The following NANS variants were observed in gnomAD, a reference collection of about 807,000 sequenced individuals.
NANS encodes the protein N-acetylneuraminate synthase, also known as N-acetylneuraminate-9-phosphate synthase.
In NANS, 29 loss-of-function variants were observed where a neutral mutation model predicts 33.3. That is an observed-to-expected ratio of 0.87 (90% CI 0.65 to 1.19). The LOEUF (loss-of-function observed/expected upper bound fraction) is 1.19, where lower values mean the gene tolerates loss of function less well. NANS is among the 50% of genes most tolerant of loss of function. The pLI is 0.00. For missense variants in NANS, 394 were observed against 461.1 expected, an observed-to-expected ratio of 0.85 and a Z score of 1.33; for synonymous variants, 163 against 177.2, an observed-to-expected ratio of 0.92 and a Z score of 0.64.
chr9:98,068,781 A>C (rs1372794316), intron 2 of NANS, among the ~76,000 whole-genome samples: 1 of 151,744 alleles, frequency 6.6e-6, no homozygotes, highest in African/African-American at 2.4e-5. Flanking sequence ...TGATTGCACC[A>C]GTGAACTCCA....
At chr9:98,060,754 C>G (rs374033355) in intron 1 of NANS, 28 bp from the exon 2 acceptor site, 11 of 1,608,014 alleles carry the variant, frequency 6.8e-6, no homozygotes, top group African/African-American at 1.3e-5. Context: ...ACGACAGTCA[C>G]TGAAAGATGT....
chr9:98,073,271 C>CCTTT, intron 2 of NANS, among the ~76,000 whole-genome samples: 2 of 57,826 alleles, frequency 3.5e-5, no homozygotes, highest in Non-Finnish European at 5.9e-5. Context: ...TCACCATGGG[C>CCTTT]TTTTTTTTTT....
chr9:98,077,417 C>A (rs1425387332), intron 3 of NANS, among the ~76,000 whole-genome samples: 4 of 151,164 alleles, frequency 2.6e-5, no homozygotes, highest in Admixed American at 6.6e-5. Flanking sequence ...TCTATGTTGC[C>A]CAGGTTGGTC....
At chr9:98,057,922 G>GTTTTTTTTTTTT (rs35104052) in intron 1 of NANS, among the ~76,000 whole-genome samples, 1 of 78,086 alleles carries the variant, frequency 1.3e-5, no homozygotes, top group Non-Finnish European at 2.3e-5. Context: ...TTTTTTCCTG[G>GTTTTTTTTTTTT]TTTTTTTTTT....
At chr9:98,057,607 CAGAT>C (rs1226989934) in intron 1 of NANS, among the ~76,000 whole-genome samples, 1 of 151,840 alleles carries the variant, frequency 6.6e-6, no homozygotes, top group African/African-American at 2.4e-5. Flanking sequence ...ATGAGATTCT[CAGAT>C]AGAGCTCTGA....
rs564739074 is a variant in NANS, at chr9:98,067,413, T to A, written c.348+6416T>A. On this transcript the variant is annotated intron_variant, in intron 2 of 5. Transcript: ENST00000210444. ...TGCTTCACATCCTCATCATTTGTGA[T>A]TACCTCCTGATTCTAGCCATCCTAG... Among the ~76,000 whole-genome samples the A allele has an allele frequency of 3.3e-5, 5 of 152,334 alleles. No homozygotes were observed. The East Asian group carries it at 9.7e-4, about 29-fold the overall frequency.
At chr9:98,070,560 A>G (rs1829295148) in intron 2 of NANS, among the ~76,000 whole-genome samples, 1 of 151,884 alleles carries the variant, frequency 6.6e-6, no homozygotes, top group Non-Finnish European at 1.5e-5. Context: ...AGCTAGGATT[A>G]TAGGTACCCG....
intron 2 of NANS, chr9:98,074,588 G>C (rs549385031): frequency 2.0e-4 from 31 of 152,314 alleles, no homozygotes; most frequent in African/African-American, 7.2e-4. Context: ...CTCCCCAGGA[G>C]GCGGCAAAAT....
chr9:98,072,569 C>T (rs1338456009), intron 2 of NANS, among the ~76,000 whole-genome samples: 1 of 152,090 alleles, frequency 6.6e-6, no homozygotes, highest in Non-Finnish European at 1.5e-5. Flanking sequence ...CGCTACCATG[C>T]CCAGCTAATT....
chr9:98,063,409 A>T (rs987142683), intron 2 of NANS, among the ~76,000 whole-genome samples: 1 of 148,388 alleles, frequency 6.7e-6, no homozygotes, highest in African/African-American at 2.5e-5. Context: ...GCCCAGCTAA[A>T]TTTTGTATTT....
In NANS at chr9:98,078,200, A is replaced by G; in HGVS notation, c.456A>G (p.Pro152=). ...TGGTGCTGGATTACTCAGGTCGCCC[A>G]ATGGTGATCTCCAGTGGGATGCAGT... The part of the protein sequence containing the change: ...YLEKTAKKGR[P]MVISSGMQSM... The change falls in exon 4 of 6, where the codon CCA becomes CCG. Residue 152 remains proline (P), a synonymous_variant. Coordinates refer to ENST00000210444, the MANE Select transcript of NANS (RefSeq NM_018946.4). 2 of 1,614,228 alleles carry G rather than the reference A, an allele frequency of 1.2e-6. No individual in the cohort carries two copies. The highest frequency in any genetic ancestry group is 1.7e-6 in the Non-Finnish European group (2 of 1,180,036).
At chr9:98,076,837 C>T (rs1458925263) in intron 2 of NANS, 81 bp from the exon 3 acceptor site, 5 of 1,164,136 alleles carry the variant, frequency 4.3e-6, no homozygotes, top group South Asian at 1.4e-5. Context: ...GGTTTTTCTA[C>T]TTGTATGTTA....
chr9:98,075,030 G>C (rs796881608), intron 2 of NANS: 13 of 152,290 alleles, frequency 8.5e-5, no homozygotes, highest in African/African-American at 3.1e-4. Flanking sequence ...AAGGTACTGG[G>C]CATGGCAGCT....
intron 2 of NANS, among the ~76,000 whole-genome samples, chr9:98,063,685 G>C (rs1829052325): frequency 6.6e-6 from 1 of 151,888 alleles, no homozygotes; most frequent in Non-Finnish European, 1.5e-5. Context: ...GGGACTACAG[G>C]CATGTGCCAA....
intron 2 of NANS, among the ~76,000 whole-genome samples, chr9:98,070,964 A>G (rs1289295971): frequency 2.0e-5 from 3 of 151,568 alleles, no homozygotes; most frequent in Non-Finnish European, 4.4e-5. Flanking sequence ...GGTCCATGCC[A>G]CCACAACCAG....
chr9:98,061,064 C>A, intron 2 of NANS, 67 bp downstream of exon 2: 2 of 1,529,276 alleles, frequency 1.3e-6, no homozygotes, highest in Non-Finnish European at 9.0e-7. Flanking sequence ...AGCCTGGTGA[C>A]TTCCGGCTTA....
intron 1 of NANS, among the ~76,000 whole-genome samples, chr9:98,057,279 T>A (rs983572830): frequency 6.6e-6 from 1 of 152,160 alleles, no homozygotes; most frequent in African/African-American, 2.4e-5. Flanking sequence ...TCGAAACCCT[T>A]TAACATAGCC....
chr9:98,065,282 T>C (rs1219820288), intron 2 of NANS, among the ~76,000 whole-genome samples: 1 of 151,286 alleles, frequency 6.6e-6, no homozygotes, highest in Non-Finnish European at 1.5e-5. Flanking sequence ...AATATTATTC[T>C]TTTAAAGTGT....
chr9:98,068,924 A>G (rs191418019), intron 2 of NANS, among the ~76,000 whole-genome samples: 61 of 152,294 alleles, frequency 4.0e-4, no homozygotes, highest in Admixed American at 9.2e-4. Context: ...GAATGATCCA[A>G]TCACTCTAGA....
Sources: gnomAD v4.1 joint callset for allele counts (sites outside exome capture counted in the v4.1 genomes callset) on GRCh38, gnomAD v4.1.1 for gene constraint, MANE v1.5 for transcripts, NCBI Gene and HGNC (gene_info 2026-07-23, HGNC 2026-07-21) for gene names.